The following KCTD16 variants were observed in gnomAD, a reference collection of about 807,000 sequenced individuals.
KCTD16 encodes the protein potassium channel tetramerization domain containing 16.
KCTD16 carries 13 observed loss-of-function variants against 33.2 expected under a neutral mutation model. That is an observed-to-expected ratio of 0.39 (90% CI 0.25 to 0.62). The LOEUF (loss-of-function observed/expected upper bound fraction) is 0.62. KCTD16 is among the 20% of genes least tolerant of loss of function. KCTD16 has a pLI of 0.50. For synonymous variants in KCTD16, 197 were observed against 195.3 expected (o/e 1.01, Z -0.07); for missense variants, 441 against 525.1 (o/e 0.84, Z 1.57).
At chr5:144,231,546 G>A (rs1323999171) in intron 3 of KCTD16, among the ~76,000 whole-genome samples, 1 of 152,154 alleles carries the variant, frequency 6.6e-6, no homozygotes. Flanking sequence ...CATACCATAT[G>A]TAGAATGTAT....
At chr5:144,317,774 A>T (rs1027469674) in intron 3 of KCTD16, among the ~76,000 whole-genome samples, 3 of 151,854 alleles carry the variant, frequency 2.0e-5, no homozygotes, top group African/African-American at 7.3e-5. Flanking sequence ...CTCCATTCTG[A>T]CTTTGTTGTC....
Position 144,463,626 on chromosome 5 carries a change from C to T in KCTD16, c.833-10034C>T, listed in dbSNP as rs115406752. On this transcript the variant is annotated intron_variant, in intron 3 of 3. Coordinates refer to ENST00000512467, the MANE Select transcript of KCTD16 (RefSeq NM_020768.4). Reference sequence around the variant, plus strand: ...ACTTACTGGGCTTTAGTGCCTGCTTCTCTGTGGAAATTCTGGGGTCACACT... The same window carrying T: ...ACTTACTGGGCTTTAGTGCCTGCTTTTCTGTGGAAATTCTGGGGTCACACT... Among the ~76,000 whole-genome samples the T allele has an allele frequency of 4.6e-3, 696 of 152,286 alleles. 5 individuals carry two copies. The highest frequency in any genetic ancestry group is 0.016 in the African/African-American group (654 of 41,562).
chr5:144,354,245 A>G (rs74998146), intron 3 of KCTD16, among the ~76,000 whole-genome samples: 1,913 of 152,220 alleles, frequency 0.013, 35 homozygotes, highest in African/African-American at 0.043. Flanking sequence ...GATCTACCCA[A>G]CTATAAGAAC....
rs546841232 is a variant in KCTD16, at chr5:144,483,292, T to C, written c.*9178T>C. On this transcript the variant is annotated 3_prime_UTR_variant, in exon 4 of 4. Transcript: ENST00000512467. ...TGCTTCACTTACCTATTGGTTAATT[T>C]ATTATATCCTGGTTAATTTCACTTT... 83 of 152,050 alleles carry C rather than the reference T, an allele frequency of 5.5e-4. No homozygotes were observed. The highest frequency in any genetic ancestry group is 1.9e-3 in the African/African-American group (80 of 41,518). The allele number at this position is 152,050 out of a possible 1,614,324, so 9.4% of individuals were successfully genotyped here. A position where few individuals can be genotyped will look rare whatever the true frequency, so the allele number is the denominator to read the frequency against.
At position 144,172,862 on chromosome 5, in the gene KCTD16, A is replaced by T. The variant is rs555226770; in HGVS notation, c.-492-1445A>T. On this transcript the variant is annotated intron_variant, in intron 1 of 3. Transcript: ENST00000512467. ...TATCTATTTAATTAATCTTATGGTT[A>T]AAAAAATTCTAGTCTCTTTTGTTTT... is the stretch of plus-strand genomic sequence containing the variant. Among the ~76,000 whole-genome samples the T allele has an allele frequency of 5.3e-5, 8 of 152,292 alleles. No individual in the cohort carries two copies. In the East Asian group the frequency reaches 1.5e-3, roughly 29 times the overall value.
chr5:144,430,752 C>A (rs751587556), intron 3 of KCTD16, among the ~76,000 whole-genome samples: 9 of 151,984 alleles, frequency 5.9e-5, no homozygotes, highest in Non-Finnish European at 1.2e-4. Context: ...CATTTTTGAT[C>A]CCCCTGGGAA....
At chr5:144,314,780 G>A (rs141658382) in intron 3 of KCTD16, among the ~76,000 whole-genome samples, 236 of 152,186 alleles carry the variant, frequency 1.6e-3, no homozygotes, top group Non-Finnish European at 2.8e-3. Flanking sequence ...AAGTGCACAC[G>A]CATACACGAA....
intron 3 of KCTD16, among the ~76,000 whole-genome samples, chr5:144,406,708 A>G (rs1752816097): frequency 6.6e-6 from 1 of 152,220 alleles, no homozygotes; most frequent in East Asian, 1.9e-4. Context: ...TGGAGAAGCA[A>G]GTATGGTGTG....
chr5:144,407,374 T>G (rs774652562), intron 3 of KCTD16, among the ~76,000 whole-genome samples: 1 of 151,884 alleles, frequency 6.6e-6, no homozygotes, highest in Non-Finnish European at 1.5e-5. Flanking sequence ...GACTGTATTT[T>G]TTTTTTTGAT....
intron 3 of KCTD16, among the ~76,000 whole-genome samples, chr5:144,248,659 C>G (rs1457130995): frequency 6.6e-6 from 1 of 152,122 alleles, no homozygotes; most frequent in African/African-American, 2.4e-5. Flanking sequence ...GGAATGAGTA[C>G]TACTTGAAGC....
chr5:144,363,203 A>G (rs1257458089), intron 3 of KCTD16, among the ~76,000 whole-genome samples: 2 of 152,102 alleles, frequency 1.3e-5, no homozygotes, highest in Non-Finnish European at 2.9e-5. Context: ...TTAGCCAGAC[A>G]TGGTGGCAGG....
At chr5:144,387,137 A>ATT (rs1491294576) in intron 3 of KCTD16, among the ~76,000 whole-genome samples, 6 of 87,056 alleles carry the variant, frequency 6.9e-5, no homozygotes, top group Non-Finnish European at 1.2e-4. Flanking sequence ...AGGCTAATTT[A>ATT]ATTTTTTTTT....
At chr5:144,280,025 C>T (rs1465215082) in intron 3 of KCTD16, among the ~76,000 whole-genome samples, 2 of 152,122 alleles carry the variant, frequency 1.3e-5, no homozygotes, top group African/African-American at 2.4e-5. Context: ...CTTCACTTTT[C>T]TCAACCTATA....
intron 3 of KCTD16, among the ~76,000 whole-genome samples, chr5:144,351,563 A>T (rs929540745): frequency 6.6e-6 from 1 of 152,174 alleles, no homozygotes; most frequent in Admixed American, 6.6e-5. Context: ...TATATATCCA[A>T]AGGACGTGAA....
intron 3 of KCTD16, among the ~76,000 whole-genome samples, chr5:144,382,864 C>A (rs1752246897): frequency 6.6e-6 from 1 of 152,180 alleles, no homozygotes; most frequent in South Asian, 2.1e-4. Flanking sequence ...AAGACCATGG[C>A]AGTAATGTCA....
chr5:144,403,436 A>G (rs1184716895), intron 3 of KCTD16, among the ~76,000 whole-genome samples: 3 of 152,140 alleles, frequency 2.0e-5, no homozygotes, highest in Admixed American at 2.0e-4. Flanking sequence ...AGCGACACAC[A>G]GAGAGCAGCA....
At chr5:144,430,552 A>G (rs1047554953) in intron 3 of KCTD16, among the ~76,000 whole-genome samples, 1 of 152,158 alleles carries the variant, frequency 6.6e-6, no homozygotes, top group Non-Finnish European at 1.5e-5. Flanking sequence ...GAGAGATTGA[A>G]TTAAATTAGG....
At chr5:144,187,324 T>A (rs1752747559) in intron 2 of KCTD16, among the ~76,000 whole-genome samples, 1 of 152,166 alleles carries the variant, frequency 6.6e-6, no homozygotes, top group African/African-American at 2.4e-5. Flanking sequence ...TAGTCTTCAT[T>A]TTCTATTCAT....
chr5:144,209,612 G>A (rs1320747088), intron 3 of KCTD16, among the ~76,000 whole-genome samples: 1 of 151,686 alleles, frequency 6.6e-6, no homozygotes, highest in Non-Finnish European at 1.5e-5. Flanking sequence ...CAGCTGCTTA[G>A]CCATAATTAT....
Sources: allele counts gnomAD v4.1 joint callset (sites outside exome capture counted in the v4.1 genomes callset), GRCh38; gene constraint gnomAD v4.1.1; transcripts MANE v1.5; gene names NCBI Gene and HGNC (gene_info 2026-07-23, HGNC 2026-07-21).